Variants in SORCS2 observed in about 807,000 individuals in gnomAD.
SORCS2 encodes sortilin related VPS10 domain containing receptor 2.
A neutral mutation model predicts 141.6 loss-of-function variants in SORCS2; 100 were observed. That is an observed-to-expected ratio of 0.71 (90% confidence interval 0.60 to 0.83). SORCS2 has a LOEUF of 0.83. Among genes scored for constraint, SORCS2 ranks in the 40% least tolerant of loss-of-function variants. SORCS2 has a pLI of 0.00. For missense variants in SORCS2, 1,646 were observed against 1,560.2 expected (o/e 1.05, Z -0.93); for synonymous variants, 789 against 676.9 (o/e 1.17, Z -2.57).
At chr4:7,345,820 C>T (rs1421137009) in intron 1 of SORCS2, among the ~76,000 whole-genome samples, 1 of 152,212 alleles carries the variant, frequency 6.6e-6, no homozygotes, top group African/African-American at 2.4e-5. Flanking sequence ...CTCCATGCTC[C>T]AGTTTCTGGA....
intron 4 of SORCS2, among the ~76,000 whole-genome samples, chr4:7,647,397 C>T (rs980664940): frequency 3.3e-5 from 5 of 152,126 alleles, no homozygotes; most frequent in African/African-American, 1.2e-4. Context: ...CAAAGTATTA[C>T]CAGACAGCCA....
At chr4:7,566,302 G>A (rs1227008369) in intron 3 of SORCS2, among the ~76,000 whole-genome samples, 2 of 150,664 alleles carry the variant, frequency 1.3e-5, no homozygotes, top group Non-Finnish European at 3.0e-5. Context: ...TAATGGTGAT[G>A]GTGATGATGG....
chr4:7,576,440 G>T (rs920211084), intron 3 of SORCS2, among the ~76,000 whole-genome samples: 5 of 152,210 alleles, frequency 3.3e-5, no homozygotes, highest in Non-Finnish European at 7.3e-5. Context: ...AAACGACAAA[G>T]CAAGTCACAA....
chr4:7,465,120 G>A (rs564276993), intron 2 of SORCS2, among the ~76,000 whole-genome samples: 30 of 152,346 alleles, frequency 2.0e-4, no homozygotes, highest in Admixed American at 4.6e-4. Context: ...ATGACACCCG[G>A]GGCCGCTGGG....
chr4:7,423,058 TCTC>T (rs1726195883), intron 2 of SORCS2, among the ~76,000 whole-genome samples: 1 of 141,176 alleles, frequency 7.1e-6, no homozygotes, highest in South Asian at 2.5e-4. Context: ...CCAGGGAACT[TCTC>T]CTGATCTGCT....
intron 3 of SORCS2, among the ~76,000 whole-genome samples, chr4:7,534,236 G>C (rs1488731528): frequency 1.3e-5 from 2 of 152,220 alleles, no homozygotes; most frequent in Admixed American, 6.5e-5. Flanking sequence ...AGCCGCATCA[G>C]GTTTGCCTGG....
intron 1 of SORCS2, among the ~76,000 whole-genome samples, chr4:7,334,704 C>G (rs1719880115): frequency 6.6e-6 from 1 of 152,154 alleles, no homozygotes. Context: ...TGGTCACCGA[C>G]CAACCCAAGG....
At chr4:7,285,870 G>A (rs1716187125) in intron 1 of SORCS2, among the ~76,000 whole-genome samples, 1 of 152,220 alleles carries the variant, frequency 6.6e-6, no homozygotes, top group Admixed American at 6.5e-5. Context: ...CCTGCTGAGG[G>A]GGCCGTTCTC....
At chr4:7,698,853 GT>G (rs758636989) in intron 12 of SORCS2, among the ~76,000 whole-genome samples, 2 of 149,492 alleles carry the variant, frequency 1.3e-5, no homozygotes, top group East Asian at 2.0e-4. Flanking sequence ...GCTCCTGTGG[GT>G]TTTTTTTTAA....
At chr4:7,422,420 A>G (rs1726139223) in intron 2 of SORCS2, among the ~76,000 whole-genome samples, 1 of 152,144 alleles carries the variant, frequency 6.6e-6, no homozygotes, top group Non-Finnish European at 1.5e-5. Flanking sequence ...TTCCGTGGAC[A>G]CTGCCCGTGG....
intron 4 of SORCS2, among the ~76,000 whole-genome samples, chr4:7,646,403 A>G (rs1008698430): frequency 2.2e-4 from 34 of 152,262 alleles, no homozygotes; most frequent in Admixed American, 7.2e-4. Context: ...CCATATTCAC[A>G]GATAGGGCCC....
At chr4:7,591,872 A>G (rs941556818) in intron 3 of SORCS2, among the ~76,000 whole-genome samples, 2 of 152,130 alleles carry the variant, frequency 1.3e-5, no homozygotes, top group Admixed American at 1.3e-4. Context: ...GTTTGTGCTT[A>G]TCTGGGATTA....
rs4689154 is a variant in SORCS2 at position 7,724,147 on chromosome 4, C to A, written c.2611+264C>A. Reference sequence around the variant, plus strand: ...TGGTGGTGGTGGTGGTGGTGATGGTCGTGGTGGTGGTGGTGATGGTGGTGA... The same window carrying A: ...TGGTGGTGGTGGTGGTGGTGATGGTAGTGGTGGTGGTGGTGATGGTGGTGA... On this transcript the variant is annotated intron_variant, in intron 19 of 26. Coordinates refer to ENST00000507866, the MANE Select transcript of SORCS2 (RefSeq NM_020777.3). Among the ~76,000 whole-genome samples the A allele has an allele frequency of 0.012, 1,281 of 110,574 alleles. 19 individuals are homozygous for A. The highest frequency in any genetic ancestry group is 0.044 in the African/African-American group (1,132 of 25,800). The allele number at this position is 110,574 out of a possible 152,430, so 72.5% of individuals were successfully genotyped here.
intron 2 of SORCS2, among the ~76,000 whole-genome samples, chr4:7,421,811 G>A (rs920350408): frequency 4.0e-5 from 6 of 149,192 alleles, no homozygotes; most frequent in Non-Finnish European, 8.9e-5. Context: ...TCCTGTCACT[G>A]AGGCCTCCTG....
intron 2 of SORCS2, among the ~76,000 whole-genome samples, chr4:7,447,109 T>C (rs1728052188): frequency 1.3e-5 from 2 of 152,192 alleles, no homozygotes; most frequent in Non-Finnish European, 2.9e-5. Context: ...GGACCCCGTG[T>C]GCTCAGTTCT....
At chr4:7,325,955 A>G (rs559776502) in intron 1 of SORCS2, among the ~76,000 whole-genome samples, 10 of 152,094 alleles carry the variant, frequency 6.6e-5, no homozygotes, top group Admixed American at 1.3e-4. Context: ...GGGAACCTCA[A>G]TGTCCCTGAG....
At chr4:7,299,064 C>A (rs1399054177) in intron 1 of SORCS2, among the ~76,000 whole-genome samples, 1 of 152,244 alleles carries the variant, frequency 6.6e-6, no homozygotes, top group African/African-American at 2.4e-5. Context: ...TCCCCCAGCT[C>A]CCCCAGCTGG....
intron 1 of SORCS2, among the ~76,000 whole-genome samples, chr4:7,203,647 A>G (rs1027365159): frequency 6.6e-6 from 1 of 152,252 alleles, no homozygotes; most frequent in African/African-American, 2.4e-5. Flanking sequence ...TACTATTTTT[A>G]AAATTGTGGT....
At chr4:7,410,447 C>A (rs571958870) in intron 2 of SORCS2, among the ~76,000 whole-genome samples, 1 of 152,322 alleles carries the variant, frequency 6.6e-6, no homozygotes, top group South Asian at 2.1e-4. Context: ...TATTTCCCTT[C>A]TTGGTGACCT....
Sources: gnomAD v4.1 joint callset for allele counts (sites outside exome capture counted in the v4.1 genomes callset) on GRCh38, gnomAD v4.1.1 for gene constraint, MANE v1.5 for transcripts, NCBI Gene and HGNC (gene_info 2026-07-23, HGNC 2026-07-21) for gene names.